The following CUX2 variants were observed in gnomAD, a reference collection of about 807,000 sequenced individuals.
The protein encoded by CUX2 is cut like homeobox 2.
Under a neutral mutation model 144.8 loss-of-function variants are expected in CUX2, and 40 were observed. The ratio of observed to expected loss-of-function variants is 0.28; its 90% CI spans 0.21 to 0.36. CUX2 has a LOEUF of 0.36. CUX2 is among the 10% of genes least tolerant of loss of function. The probability of loss-of-function intolerance (pLI) is 1.00; values close to 1 mark genes in which losing one functional copy is unlikely to be tolerated. For missense variants in CUX2, 1,615 were observed against 1,994.0 expected, an observed-to-expected ratio of 0.81 and a Z score of 3.62; for synonymous variants, 827 against 875.6, an observed-to-expected ratio of 0.94 and a Z score of 0.98.
Position 111,306,649 on chromosome 12 carries a change from G to A in CUX2, c.859-272G>A, listed in dbSNP as rs538029496. ...TTACCTATGCTGTTTCCTCTGGTGC[G>A]AGCACCCAATCCCCAACCTCAGCTG... On this transcript the variant is annotated intron_variant, in intron 10 of 21. Transcript: ENST00000261726. 6.6e-5 allele frequency among the ~76,000 whole-genome samples: 10 copies of A among 152,298 alleles called. No homozygotes were observed. The South Asian group carries it at 8.3e-4, about 13-fold the overall frequency.
At chr12:111,281,803 C>A (rs902952186) in intron 4 of CUX2, among the ~76,000 whole-genome samples, 1 of 152,022 alleles carries the variant, frequency 6.6e-6, no homozygotes, top group South Asian at 2.1e-4. Context: ...GATGCCAAGA[C>A]AGCTTTAGAT....
chr12:111,231,887 C>T (rs970234987), intron 3 of CUX2, among the ~76,000 whole-genome samples: 4 of 151,586 alleles, frequency 2.6e-5, no homozygotes, highest in Non-Finnish European at 5.9e-5. Flanking sequence ...GCAGGTAGAT[C>T]ATGAAGTCAA....
intron 1 of CUX2, among the ~76,000 whole-genome samples, chr12:111,076,697 G>A (rs1305612486): frequency 6.6e-6 from 1 of 152,182 alleles, no homozygotes; most frequent in African/African-American, 2.4e-5. Context: ...AGCCCTGCTC[G>A]AGAGTCTTAT....
chr12:111,104,282 T>TA (rs1873451847), intron 1 of CUX2, among the ~76,000 whole-genome samples: 1 of 152,140 alleles, frequency 6.6e-6, no homozygotes, highest in Non-Finnish European at 1.5e-5. Flanking sequence ...TCACATAGTA[T>TA]AAAAAACAGG....
At chr12:111,092,383 G>C (rs1872602745) in intron 1 of CUX2, among the ~76,000 whole-genome samples, 1 of 152,196 alleles carries the variant, frequency 6.6e-6, no homozygotes, top group Non-Finnish European at 1.5e-5. Context: ...TGAGGTCTAG[G>C]CTATTGGCCT....
At chr12:111,181,986 A>G (rs1879208180) in intron 1 of CUX2, among the ~76,000 whole-genome samples, 1 of 152,160 alleles carries the variant, frequency 6.6e-6, no homozygotes, top group South Asian at 2.1e-4. Flanking sequence ...CCACTGACTC[A>G]TCGGATTATC....
chr12:111,087,386 A>G lies in CUX2; in HGVS notation c.63+53146A>G, dbSNP rs991765240. Among the ~76,000 whole-genome samples, 11 of 149,952 alleles carry G rather than the reference A, an allele frequency of 7.3e-5. No individual in the cohort carries two copies. In the East Asian group the frequency reaches 1.4e-3, roughly 18 times the overall value. On this transcript the variant is annotated intron_variant, in intron 1 of 21. Coordinates refer to ENST00000261726, the MANE Select transcript of CUX2 (RefSeq NM_015267.4). ...CATCTCAAAAAAAAAAAAAAAAAAAAAAAAAAAAGAAAGAAAAGAAAGAAA... is the reference window on the plus strand; with the variant it reads ...CATCTCAAAAAAAAAAAAAAAAAAAGAAAAAAAAGAAAGAAAAGAAAGAAA...
rs1012229572 is a variant in CUX2, at chr12:111,077,310, A to T, written c.63+43070A>T. Among the ~76,000 whole-genome samples the T allele has an allele frequency of 3.3e-5, 5 of 152,142 alleles. No individual in the cohort carries two copies. Among genetic ancestry groups the T allele is most frequent in the Admixed American group, 6.5e-5 (1 of 15,278 alleles). On this transcript the variant is annotated intron_variant, in intron 1 of 21. Coordinates refer to ENST00000261726, the MANE Select transcript of CUX2 (RefSeq NM_015267.4). The surrounding 1 kb of genome is among the most constrained non-coding windows in gnomAD (Gnocchi z 4.1). ...CGCAGCCGTGTGGCAGGGCCCGGGA[A>T]GACGTGGGTAATGTATTCACAGACA...
intron 1 of CUX2, among the ~76,000 whole-genome samples, chr12:111,126,478 C>T (rs925178479): frequency 6.6e-6 from 1 of 152,134 alleles, no homozygotes; most frequent in Non-Finnish European, 1.5e-5. Flanking sequence ...GGCTCAAGAA[C>T]CAGGAAGAGT....
chr12:111,214,460 G>C, intron 2 of CUX2, 150 bp downstream of exon 2: 1 of 540,640 alleles, frequency 1.8e-6, no homozygotes, highest in Admixed American at 3.7e-5. Flanking sequence ...TAACCTTTCG[G>C]GGTTTCTTGG....
chr12:111,321,999 G>T (rs964563121), intron 17 of CUX2, among the ~76,000 whole-genome samples: 1 of 151,900 alleles, frequency 6.6e-6, no homozygotes, highest in Non-Finnish European at 1.5e-5. Context: ...AATGAAGGCC[G>T]CCTGGACTCC....
intron 1 of CUX2, among the ~76,000 whole-genome samples, chr12:111,096,467 C>G (rs957555564): frequency 6.6e-6 from 1 of 152,184 alleles, no homozygotes; most frequent in Non-Finnish European, 1.5e-5. Flanking sequence ...ATCTTAGGAG[C>G]TTTTATCACT....
At chr12:111,206,225 G>A (rs896049069) in intron 1 of CUX2, among the ~76,000 whole-genome samples, 15 of 152,194 alleles carry the variant, frequency 9.9e-5, no homozygotes, top group Admixed American at 1.3e-4. Flanking sequence ...CCAGCTACTT[G>A]GGAGGCTGAG....
intron 1 of CUX2, among the ~76,000 whole-genome samples, chr12:111,064,990 T>C (rs1214502264): frequency 6.6e-6 from 1 of 152,250 alleles, no homozygotes; most frequent in East Asian, 1.9e-4. Flanking sequence ...ATAGTCTGTG[T>C]ATAATAATTT....
At position 111,348,026 on chromosome 12, in the gene CUX2, C is replaced by T. The variant is rs748633050; in HGVS notation, c.4162C>T (p.Arg1388Cys). The T allele has an allele frequency of 1.3e-5, 21 of 1,613,964 alleles. No individual in the cohort carries two copies. Among genetic ancestry groups the T allele is most frequent in the East Asian group, 1.1e-4 (5 of 44,898 alleles). ...LSFKSASESS[R>C]CSLEVSLNSP... ...TTTTAAGTCAGCCTCAGAGTCCTCA[C>T]GCTGCAGCCTGGAGGTGTCACTGAA... Residue 1388 changes from arginine to cysteine, a missense_variant, in exon 22 of 22, where the codon CGC becomes TGC. Arg to Cys is a radical substitution (Grantham distance 180). This residue lies in a region of CUX2 where 298 missense variants were observed against 330.4 expected (regional missense o/e 0.90). Coordinates refer to ENST00000261726, the MANE Select transcript of CUX2 (RefSeq NM_015267.4).
chr12:111,214,953 CG>C (rs1565853569), intron 2 of CUX2, among the ~76,000 whole-genome samples: 1 of 152,136 alleles, frequency 6.6e-6, no homozygotes, highest in African/African-American at 2.4e-5. Flanking sequence ...TCCATCCTCT[CG>C]CAGGCCCCCC....
Position 111,295,281 on chromosome 12 carries a change from CAGGCA to C in CUX2, c.561-47_561-43del. The C allele has an allele frequency of 6.3e-7, 1 of 1,582,670 alleles. No homozygotes were observed. The highest frequency in any genetic ancestry group is 2.3e-5 in the East Asian group (1 of 43,830). ...AAGATGGGGCTCGACTCGGGGGCCCCAGGCAAGGCCTGTCCCTGCAGCCAGCACAA... is the reference window on the plus strand; with the variant it reads ...AAGATGGGGCTCGACTCGGGGGCCCCAGGCCTGTCCCTGCAGCCAGCACAA... On this transcript the variant is annotated intron_variant, in intron 6 of 21. Transcript: ENST00000261726. This position sits in a 1 kb window ranked among gnomAD's most constrained non-coding sequence, Gnocchi z 5.0.
rs112918730 is a variant in CUX2, at chr12:111,298,613, G to A, written c.753+24G>A. On this transcript the variant is annotated intron_variant, in intron 9 of 21. Transcript: ENST00000261726. The stretch of plus-strand genomic sequence containing the variant: ...AGGTGAGGAGGCGCAGTTCCCACCC[G>A]TGGGTGCCAGAGGCTCCCTCTGCCT... 2,231 of 1,556,420 alleles carry A rather than the reference G, an allele frequency of 1.4e-3. 26 individuals are homozygous for A. In the African/African-American group the frequency reaches 0.026, roughly 18 times the overall value.
Position 111,334,483 on chromosome 12 carries a change from G to A in CUX2, c.2969G>A (p.Ser990Asn). Residue 990 changes from serine (S) to asparagine (N), a missense_variant, in exon 19 of 22, where the codon AGC (serine) becomes AAC (asparagine). Physicochemically the swap from Ser to Asn is conservative, Grantham distance 46 (BLOSUM62 1). This residue lies in a region of CUX2 where 128 missense variants were observed against 124.4 expected (regional missense o/e 1.03). Coordinates refer to ENST00000261726, the MANE Select transcript of CUX2 (RefSeq NM_015267.4). ...EPRSSPSPPP[S>N]PTEPEKSSQE... ...AGGTCCTCACCATCCCCACCCCCCA[G>A]CCCCACAGAGCCTGAGAAGAGCTCC... 5.2e-6 allele frequency: 7 copies of A among 1,348,828 alleles called. No homozygotes were observed. Among genetic ancestry groups the A allele is most frequent in the Admixed American group, 3.6e-5 (2 of 55,534 alleles). The allele number at this position is 1,348,828 out of a possible 1,614,324, so 83.6% of individuals were successfully genotyped here.
Sources: allele counts gnomAD v4.1 joint callset (sites outside exome capture counted in the v4.1 genomes callset), GRCh38; gene constraint gnomAD v4.1.1; regional missense constraint gnomAD v4.1.1; non-coding constraint Gnocchi (gnomAD v3.1); transcripts MANE v1.5; gene names NCBI Gene and HGNC (gene_info 2026-07-23, HGNC 2026-07-21).